The following RAPGEF6 variants were observed in gnomAD, a reference collection of about 807,000 sequenced individuals.
RAPGEF6 encodes the protein PDZ domain containing guanine nucleotide exchange factor (GEF) 2.
Under a neutral mutation model 171.4 loss-of-function variants are expected in RAPGEF6, and 56 were observed. That is an observed-to-expected ratio of 0.33 (90% CI 0.26 to 0.41). The LOEUF is 0.41. RAPGEF6 is among the 10% of genes least tolerant of loss of function. The pLI is 1.00. For missense variants in RAPGEF6, 1,674 were observed against 1,921.4 expected, an observed-to-expected ratio of 0.87 and a Z score of 2.41; for synonymous variants, 692 against 650.1, an observed-to-expected ratio of 1.06 and a Z score of -0.98.
intron 4 of RAPGEF6, among the ~76,000 whole-genome samples, chr5:131,567,066 C>T (rs1761992203): frequency 6.7e-6 from 1 of 149,966 alleles, no homozygotes; most frequent in Non-Finnish European, 1.5e-5. Flanking sequence ...TGCACTCCAG[C>T]CTGGGCGACA....
At chr5:131,519,524 C>T (rs1438867117) in intron 7 of RAPGEF6, among the ~76,000 whole-genome samples, 1 of 152,168 alleles carries the variant, frequency 6.6e-6, no homozygotes, top group African/African-American at 2.4e-5. Flanking sequence ...TACTCAGCCT[C>T]CCAAGTAGCT....
intron 4 of RAPGEF6, among the ~76,000 whole-genome samples, chr5:131,586,594 G>A (rs778394473): frequency 1.3e-5 from 2 of 152,038 alleles, no homozygotes; most frequent in African/African-American, 4.8e-5. Flanking sequence ...TTGTGCCACT[G>A]CACTCCAGCC....
rs1751297347 is a variant in RAPGEF6, at chr5:131,424,302, T to C, written c.*2964A>G. ...AAAAATGCACAACAAAAGTCAAAGA[T>C]GAACCAGGATTCAAGTTTAAATTTG... On this transcript the variant is annotated 3_prime_UTR_variant, in exon 28 of 28. Transcript: ENST00000509018. 6.6e-6 allele frequency: 1 copy of C among 152,366 alleles called. No homozygotes were observed. Among genetic ancestry groups the C allele is most frequent in the Non-Finnish European group, 1.5e-5 (1 of 68,034 alleles). The allele number at this position is 152,366 out of a possible 1,614,324, so 9.4% of individuals were successfully genotyped here. A position where few individuals can be genotyped will look rare whatever the true frequency, so the allele number is the denominator to read the frequency against.
At chr5:131,547,955 A>C in intron 6 of RAPGEF6, 92 bp downstream of exon 6, 2 of 1,372,108 alleles carry the variant, frequency 1.5e-6, no homozygotes, top group Non-Finnish European at 2.0e-6. Context: ...TACAGAGCCC[A>C]GCATGTTGAT....
intron 11 of RAPGEF6, among the ~76,000 whole-genome samples, chr5:131,503,884 A>G (rs908550742): frequency 1.3e-5 from 2 of 152,142 alleles, no homozygotes; most frequent in African/African-American, 4.8e-5. Context: ...CCATATCCAG[A>G]TAAGAAAAGT....
chr5:131,536,896 T>C (rs1759814006), intron 6 of RAPGEF6, among the ~76,000 whole-genome samples: 1 of 152,204 alleles, frequency 6.6e-6, no homozygotes, highest in African/African-American at 2.4e-5. Context: ...TAAAACTATC[T>C]GTGAATTCCT....
chr5:131,493,565 T>C (rs535265829), intron 13 of RAPGEF6, among the ~76,000 whole-genome samples: 42 of 152,230 alleles, frequency 2.8e-4, no homozygotes, highest in Non-Finnish European at 5.1e-4. Context: ...TCTTGTATTA[T>C]TTTAGCTCTT....
intron 16 of RAPGEF6, among the ~76,000 whole-genome samples, chr5:131,474,280 A>T (rs1235598320): frequency 6.6e-6 from 1 of 152,180 alleles, no homozygotes; most frequent in Non-Finnish European, 1.5e-5. Context: ...CCTGGCCAAC[A>T]TGGCGAAACC....
chr5:131,495,211 CT>C (rs1446227896), intron 13 of RAPGEF6, among the ~76,000 whole-genome samples: 1 of 151,746 alleles, frequency 6.6e-6, no homozygotes, highest in Admixed American at 6.6e-5. Context: ...GAGAGAATTG[CT>C]TGAACCTGGA....
At chr5:131,625,042 T>A (rs893791163) in intron 1 of RAPGEF6, among the ~76,000 whole-genome samples, 1 of 151,998 alleles carries the variant, frequency 6.6e-6, no homozygotes, top group African/African-American at 2.4e-5. Context: ...GGCGGGCAGA[T>A]CATGAGGTCA....
intron 25 of RAPGEF6, among the ~76,000 whole-genome samples, chr5:131,432,359 C>T (rs924889302): frequency 2.0e-5 from 3 of 152,174 alleles, no homozygotes; most frequent in African/African-American, 7.2e-5. Context: ...TGGCTCACGC[C>T]TGTAATCCCA....
At chr5:131,519,864 T>G (rs1758358868) in intron 7 of RAPGEF6, among the ~76,000 whole-genome samples, 1 of 152,186 alleles carries the variant, frequency 6.6e-6, no homozygotes, top group Non-Finnish European at 1.5e-5. Context: ...AGATAATTCT[T>G]TTGGGGAGGG....
intron 19 of RAPGEF6, among the ~76,000 whole-genome samples, chr5:131,456,372 T>C (rs948907888): frequency 6.6e-6 from 1 of 152,222 alleles, no homozygotes; most frequent in Admixed American, 6.5e-5. Context: ...ATTACCTATT[T>C]TAAAGCGGTT....
At chr5:131,487,086 G>A (rs1387984951) in intron 15 of RAPGEF6, among the ~76,000 whole-genome samples, 2 of 152,178 alleles carry the variant, frequency 1.3e-5, no homozygotes, top group Non-Finnish European at 2.9e-5. Flanking sequence ...GAATGAAGAT[G>A]CAGACCTTCA....
At chr5:131,471,471 C>T (rs1461640478) in intron 17 of RAPGEF6, among the ~76,000 whole-genome samples, 4 of 151,956 alleles carry the variant, frequency 2.6e-5, no homozygotes, top group African/African-American at 9.7e-5. Context: ...AAGTTTCCTC[C>T]CTTTCTACAC....
Position 131,439,711 on chromosome 5 carries a change from T to G in RAPGEF6, c.3615A>C (p.Thr1205=), listed in dbSNP as rs1480532901. ...TTCCTAAAACTTTCTGAGGTAAACTTGTATCTAAAAATAAAACCAAAGATG... is the reference window on the plus strand; with the variant it reads ...TTCCTAAAACTTTCTGAGGTAAACTGGTATCTAAAAATAAAACCAAAGATG... The part of the protein sequence containing the change: ...KGQTKDPALN[T]SLPQKVLGTT... The change falls in exon 24 of 28, where the codon ACA becomes ACC. Residue 1205 remains threonine (T), a synonymous_variant. Transcript: ENST00000509018. 3 of 1,609,588 alleles carry G rather than the reference T, an allele frequency of 1.9e-6. No homozygotes were observed. In the Admixed American group the frequency reaches 5.0e-5, roughly 27 times the overall value.
At chr5:131,540,858 C>T (rs1339242772) in intron 6 of RAPGEF6, among the ~76,000 whole-genome samples, 3 of 152,086 alleles carry the variant, frequency 2.0e-5, no homozygotes, top group East Asian at 3.9e-4. Flanking sequence ...TACATATGTA[C>T]CAATATTAAA....
intron 7 of RAPGEF6, among the ~76,000 whole-genome samples, chr5:131,519,405 C>G (rs1254797374): frequency 6.6e-6 from 1 of 151,960 alleles, no homozygotes; most frequent in Non-Finnish European, 1.5e-5. Context: ...TTTTTCTTGT[C>G]TTTTCTTCTT....
At chr5:131,470,981 A>G (rs1754697845) in intron 17 of RAPGEF6, among the ~76,000 whole-genome samples, 1 of 152,222 alleles carries the variant, frequency 6.6e-6, no homozygotes, top group African/African-American at 2.4e-5. Context: ...TCACCCTGGT[A>G]GTGACATTTC....
Sources: allele counts gnomAD v4.1 joint callset (sites outside exome capture counted in the v4.1 genomes callset), GRCh38; gene constraint gnomAD v4.1.1; transcripts MANE v1.5; gene names NCBI Gene and HGNC (gene_info 2026-07-23, HGNC 2026-07-21).